Variants in GPHN observed in about 807,000 individuals in gnomAD.
The protein encoded by GPHN is gephyrin.
Under a neutral mutation model 95.5 loss-of-function variants are expected in GPHN, and 17 were observed. The ratio of observed to expected loss-of-function variants is 0.18; its 90% CI spans 0.12 to 0.27. The LOEUF is 0.27. Among genes scored for constraint, GPHN ranks in the 10% least tolerant of loss-of-function variants. The pLI is 1.00. For missense variants in GPHN, 660 were observed against 978.1 expected (o/e 0.67, Z 4.34); for synonymous variants, 320 against 322.5 (o/e 0.99, Z 0.08).
At chr14:67,426,401 G>C in the GPHN span, among the ~76,000 whole-genome samples, 3 of 152,146 alleles carry the variant, frequency 2.0e-5, no homozygotes, top group Non-Finnish European at 4.4e-5. Flanking sequence ...TAGGAGAACA[G>C]CTGTCATGTG....
Position 66,662,608 on chromosome 14 carries a change from A to G in GPHN, c.65-18499A>G, listed in dbSNP as rs561223933. The stretch of plus-strand genomic sequence containing the variant: ...ATCACCTCTCCAGCAAGGGTTTGGA[A>G]TTGGGCAGAGGCTGAGATGGCCGAA... On this transcript the variant is annotated intron_variant, in intron 1 of 22. Transcript: ENST00000478722. Among the ~76,000 whole-genome samples, 15 of 152,346 alleles carry G rather than the reference A, an allele frequency of 9.8e-5. 1 individual carries two copies. The highest frequency in any genetic ancestry group is 6.2e-4 in the South Asian group (3 of 4,830).
At chr14:67,362,414 C>T in the GPHN span, among the ~76,000 whole-genome samples, 1 of 152,014 alleles carries the variant, frequency 6.6e-6, no homozygotes, top group African/African-American at 2.4e-5. Context: ...AATGGAAATA[C>T]CTTCTTTTTC....
At chr14:66,731,601 A>T (rs1338019612) in intron 2 of GPHN, among the ~76,000 whole-genome samples, 4 of 152,254 alleles carry the variant, frequency 2.6e-5, no homozygotes, top group African/African-American at 9.6e-5. Context: ...GAAGCAGAGC[A>T]TAAAAGTTTG....
chr14:66,807,906 A>G (rs958877527), intron 3 of GPHN, among the ~76,000 whole-genome samples: 1 of 152,252 alleles, frequency 6.6e-6, no homozygotes, highest in Non-Finnish European at 1.5e-5. Context: ...CAGGATAGAC[A>G]TGACTTAGAA....
chr14:66,929,963 G>A lies in GPHN; in HGVS notation c.828+5671G>A, dbSNP rs557792192. ...CCTGACCACATGATCCGCCCGCCTC[G>A]GCCTCCCAAAGTCCTGGGATTACAG... On this transcript the variant is annotated intron_variant, in intron 8 of 22. Transcript: ENST00000478722. Among the ~76,000 whole-genome samples the A allele has an allele frequency of 4.0e-3, 605 of 151,796 alleles. 5 individuals carry two copies. Among genetic ancestry groups the A allele is most frequent in the African/African-American group, 0.014 (570 of 41,386 alleles).
chr14:67,582,517 T>C, the GPHN span, among the ~76,000 whole-genome samples: 1 of 152,108 alleles, frequency 6.6e-6, no homozygotes, highest in Admixed American at 6.6e-5. The surrounding 1 kb of genome is among the most constrained non-coding windows in gnomAD (Gnocchi z 5.0). Flanking sequence ...CTTCTCAGTA[T>C]ACCAAAATAA....
the GPHN span, among the ~76,000 whole-genome samples, chr14:67,462,001 G>A: frequency 6.6e-6 from 1 of 152,266 alleles, no homozygotes; most frequent in Admixed American, 6.5e-5. Flanking sequence ...AAGCCAGGGA[G>A]GCTCTGGGCA....
the GPHN span, among the ~76,000 whole-genome samples, chr14:67,330,029 T>TA: frequency 1.3e-5 from 2 of 151,048 alleles, no homozygotes; most frequent in East Asian, 1.9e-4. Context: ...TATGTATTGT[T>TA]AAAGTCACAG....
chr14:66,718,487 A>G (rs1012248837), intron 2 of GPHN, among the ~76,000 whole-genome samples: 9 of 152,154 alleles, frequency 5.9e-5, no homozygotes, highest in Admixed American at 3.9e-4. Flanking sequence ...TGTGAAGAGC[A>G]AAAGAACAAA....
the GPHN span, chr14:67,653,579 C>T: frequency 4.8e-6 from 6 of 1,245,492 alleles, no homozygotes; most frequent in Admixed American, 1.2e-4. Context: ...TAACAGTAGG[C>T]ATTAAGGGAT....
the GPHN span, among the ~76,000 whole-genome samples, chr14:67,537,746 T>C: frequency 6.6e-6 from 1 of 152,128 alleles, no homozygotes; most frequent in East Asian, 1.9e-4. Flanking sequence ...AGATCCCAGG[T>C]CAAATTTGTG....
intron 10 of GPHN, among the ~76,000 whole-genome samples, chr14:67,032,773 G>A (rs1312403858): frequency 6.6e-6 from 1 of 152,128 alleles, no homozygotes; most frequent in African/African-American, 2.4e-5. Flanking sequence ...GTTGATTGGT[G>A]AGAGTGTCCC....
the GPHN span, chr14:67,674,305 A>G: frequency 9.4e-6 from 13 of 1,379,744 alleles, no homozygotes; most frequent in Non-Finnish European, 2.9e-6. Flanking sequence ...TCTGGGAGGA[A>G]GGTGGGAGAA....
intron 17 of GPHN, among the ~76,000 whole-genome samples, chr14:67,139,202 A>G (rs1159761167): frequency 2.6e-5 from 4 of 151,498 alleles, no homozygotes; most frequent in Non-Finnish European, 5.9e-5. Context: ...CAGCCTGGTC[A>G]ACAAAGCAAT....
At chr14:67,183,506 G>A (rs2083351115), downstream of GPHN, among the ~76,000 whole-genome samples, 1 of 152,080 alleles carries the variant, frequency 6.6e-6, no homozygotes, top group South Asian at 2.1e-4. Context: ...AGGAGAGAGA[G>A]CAAGGATTCA....
the GPHN span, among the ~76,000 whole-genome samples, chr14:67,541,019 C>T: frequency 2.4e-4 from 36 of 152,244 alleles, no homozygotes; most frequent in Middle Eastern, 6.8e-3. Flanking sequence ...GTGGCTTTCT[C>T]CAGAGGTTGC....
the GPHN span, chr14:67,562,642 G>A: frequency 2.5e-6 from 4 of 1,612,866 alleles, no homozygotes; most frequent in African/African-American, 5.3e-5. Flanking sequence ...AGCCCCAGGT[G>A]GGCCATGGGC....
At chr14:66,895,098 G>C (rs1353636319) in intron 5 of GPHN, among the ~76,000 whole-genome samples, 1 of 152,142 alleles carries the variant, frequency 6.6e-6, no homozygotes, top group East Asian at 1.9e-4. Context: ...GCAAAGACTT[G>C]GAACCAACCC....
At chr14:67,288,955 CTTTATTTCCTTTT>C in the GPHN span, among the ~76,000 whole-genome samples, 1 of 131,582 alleles carries the variant, frequency 7.6e-6, no homozygotes, top group Non-Finnish European at 1.6e-5. Flanking sequence ...GTTTTATTTT[CTTTATTTCCTTTT>C]TTTTTTTTTT....
Sources: gnomAD v4.1 joint callset for allele counts (sites outside exome capture counted in the v4.1 genomes callset) on GRCh38, gnomAD v4.1.1 for gene constraint, Gnocchi (gnomAD v3.1) non-coding constraint, MANE v1.5 for transcripts, NCBI Gene and HGNC (gene_info 2026-07-23, HGNC 2026-07-21) for gene names.